The following ABHD5 variants were observed in gnomAD, a reference collection of about 807,000 sequenced individuals.
ABHD5 encodes the protein abhydrolase domain containing 5, lysophosphatidic acid acyltransferase, also known as 1-acylglycerol-3-phosphate O-acyltransferase ABHD5.
In ABHD5, 30 loss-of-function variants were observed where a neutral mutation model predicts 44.9. That is an observed-to-expected ratio of 0.67 (90% confidence interval 0.50 to 0.91). The LOEUF (loss-of-function observed/expected upper bound fraction) is 0.91. Among genes scored for constraint, ABHD5 ranks in the 40% least tolerant of loss-of-function variants. The probability of loss-of-function intolerance (pLI) is 0.00; values close to 1 mark genes in which losing one functional copy is unlikely to be tolerated. For missense variants in ABHD5, 399 were observed against 423.4 expected (o/e 0.94, Z 0.50); for synonymous variants, 167 against 147.0 (o/e 1.14, Z -0.99).
chr3:43,715,463 TTTGTTTAAAA>T (rs2084752685), intron 5 of ABHD5, among the ~76,000 whole-genome samples: 1 of 152,110 alleles, frequency 6.6e-6, no homozygotes, highest in African/African-American at 2.4e-5. Flanking sequence ...GTGCCCGGCC[TTTGTTTAAAA>T]TATATCAGTG....
At chr3:43,712,264 TACC>T in intron 4 of ABHD5, among the ~76,000 whole-genome samples, 1 of 152,266 alleles carries the variant, frequency 6.6e-6, no homozygotes, top group East Asian at 1.9e-4. Context: ...CAATTGATGA[TACC>T]ATTTGGTACC....
Position 43,719,958 on chromosome 3 carries a change from T to C in ABHD5, c.*1426T>C, listed in dbSNP as rs1011308442. Reference sequence around the variant, plus strand: ...AGTTGTTAGGAAATGTAAGGTTGTGTCACTGTTGATTAACTGCCAGAAAGA... The same window carrying C: ...AGTTGTTAGGAAATGTAAGGTTGTGCCACTGTTGATTAACTGCCAGAAAGA... On this transcript the variant is annotated 3_prime_UTR_variant, in exon 7 of 7. Coordinates refer to ENST00000644371, the MANE Select transcript of ABHD5 (RefSeq NM_016006.6). 3.3e-5 allele frequency: 5 copies of C among 152,214 alleles called. No individual in the cohort carries two copies. Among genetic ancestry groups the C allele is most frequent in the Admixed American group, 2.0e-4 (3 of 15,272 alleles). 9.4% of individuals were successfully genotyped at this position (152,214 alleles called of 1,614,324 possible). A position where few individuals can be genotyped will look rare whatever the true frequency, so the allele number is the denominator to read the frequency against.
chr3:43,711,828 A>AT lies in ABHD5; in HGVS notation c.626_627insT (p.Leu211PhefsTer21). 1 of 1,614,188 alleles carries AT rather than the reference A, an allele frequency of 6.2e-7. No homozygotes were observed. The highest frequency in any genetic ancestry group is 8.5e-7 in the Non-Finnish European group (1 of 1,180,028). On this transcript the variant is annotated frameshift_variant, in exon 4 of 7. Transcript: ENST00000644371. LOFTEE classifies it high-confidence loss of function. ...TTGGGAGCAGCATTGACTCCCTTTAACCCTTTAGCTGGCCTAAGGATTGCA... is the reference window on the plus strand; with the variant it reads ...TTGGGAGCAGCATTGACTCCCTTTAATCCCTTTAGCTGGCCTAAGGATTGCA...
chr3:43,691,335 C>T, intron 1 of ABHD5: 1 of 265,512 alleles, frequency 3.8e-6, no homozygotes, highest in Non-Finnish European at 7.1e-6. Flanking sequence ...GTATAAGCCA[C>T]CCCGCGGGCC....
chr3:43,692,874 C>T (rs1189666725), intron 1 of ABHD5, among the ~76,000 whole-genome samples: 1 of 152,164 alleles, frequency 6.6e-6, no homozygotes, highest in African/African-American at 2.4e-5. Context: ...ATACAGTTCC[C>T]TACCCTTAAG....
chr3:43,728,203 G>A (rs963767793), intron 7 of ABHD5, among the ~76,000 whole-genome samples: 1 of 152,152 alleles, frequency 6.6e-6, no homozygotes, highest in African/African-American at 2.4e-5. Context: ...TAGCCCTAGT[G>A]CTGTGCTGAA....
At chr3:43,711,095 A>G (rs888698046) in intron 3 of ABHD5, among the ~76,000 whole-genome samples, 3 of 152,236 alleles carry the variant, frequency 2.0e-5, no homozygotes, top group African/African-American at 4.8e-5. Flanking sequence ...TAAGGTAGAT[A>G]GACTTGTTCC....
chr3:43,707,400 C>G (rs895182994), intron 3 of ABHD5, among the ~76,000 whole-genome samples: 1 of 152,058 alleles, frequency 6.6e-6, no homozygotes, highest in African/African-American at 2.4e-5. Flanking sequence ...TTTTTGTTGG[C>G]CCTCTGCTGT....
intron 3 of ABHD5, among the ~76,000 whole-genome samples, chr3:43,705,323 T>C (rs2084602599): frequency 6.6e-6 from 1 of 152,220 alleles, no homozygotes; most frequent in Non-Finnish European, 1.5e-5. Context: ...ATTTCAGTTT[T>C]ATGCCTTTTG....
downstream of ABHD5, among the ~76,000 whole-genome samples, chr3:43,727,084 T>G (rs1480950684): frequency 6.6e-6 from 1 of 152,210 alleles, no homozygotes; most frequent in African/African-American, 2.4e-5. Flanking sequence ...CTCCCTCATT[T>G]TGCAGTGGTT....
chr3:43,717,659 T>C lies in ABHD5; in HGVS notation c.774-12T>C. ...AAAATCATACATCGTGATTTTCTCC[T>C]TGCCGTTAAAGTGGTGAGACAGCTT... On this transcript the variant is annotated splice_polypyrimidine_tract_variant and intron_variant, in intron 5 of 6. Transcript: ENST00000644371. 1 of 1,614,136 alleles carries C rather than the reference T, an allele frequency of 6.2e-7. No individual in the cohort carries two copies.
intron 3 of ABHD5, among the ~76,000 whole-genome samples, chr3:43,706,959 T>C (rs921663426): frequency 6.6e-6 from 1 of 152,230 alleles, no homozygotes; most frequent in African/African-American, 2.4e-5. Context: ...CTTCCATTCG[T>C]TACTTTTATA....
intron 7 of ABHD5, among the ~76,000 whole-genome samples, chr3:43,733,266 C>A (rs1697274647): frequency 6.6e-6 from 1 of 152,288 alleles, no homozygotes; most frequent in Admixed American, 6.5e-5. Context: ...GCCTGTCAGA[C>A]AAGGGAGACT....
At chr3:43,696,808 T>C (rs1050844565) in intron 1 of ABHD5, among the ~76,000 whole-genome samples, 1 of 152,216 alleles carries the variant, frequency 6.6e-6, no homozygotes, top group Admixed American at 6.5e-5. Flanking sequence ...TTATCAGGGC[T>C]TAGGGGAAGA....
intron 4 of ABHD5, among the ~76,000 whole-genome samples, chr3:43,713,752 A>G (rs2084719521): frequency 6.6e-6 from 1 of 152,204 alleles, no homozygotes; most frequent in Middle Eastern, 3.2e-3. Context: ...AAAAATAACA[A>G]TTATGGGAAA....
intron 1 of ABHD5, 91 bp downstream of exon 1, chr3:43,691,130 C>T (rs1233119950): frequency 3.9e-6 from 5 of 1,270,628 alleles, no homozygotes; most frequent in South Asian, 2.2e-5. Context: ...ACCAAGGAGT[C>T]GCCGCCCGCC....
rs533017694 is a variant in ABHD5, at chr3:43,719,875, A to G, written c.*1343A>G. ...TAAATAAAAACAGTGAACTAGAGCA[A>G]ATAGTGGTTTAATGGTTTTGTTATT... On this transcript the variant is annotated 3_prime_UTR_variant, in exon 7 of 7. Coordinates refer to ENST00000644371, the MANE Select transcript of ABHD5 (RefSeq NM_016006.6). The G allele has an allele frequency of 1.4e-5, 2 of 147,806 alleles. No individual in the cohort carries two copies. The highest frequency in any genetic ancestry group is 3.0e-5 in the Non-Finnish European group (2 of 67,702). The allele number at this position is 147,806 out of a possible 1,614,324, so 9.2% of individuals were successfully genotyped here.
At chr3:43,692,218 T>G (rs2084402593) in intron 1 of ABHD5, among the ~76,000 whole-genome samples, 1 of 152,200 alleles carries the variant, frequency 6.6e-6, no homozygotes, top group East Asian at 1.9e-4. Flanking sequence ...TGGAAAGATG[T>G]CATGGGGAAA....
chr3:43,725,014 G>A (rs1018673717), downstream of ABHD5, among the ~76,000 whole-genome samples: 1 of 152,196 alleles, frequency 6.6e-6, no homozygotes, highest in Non-Finnish European at 1.5e-5. Flanking sequence ...TTACTGTGCT[G>A]TTGTCTGTGT....
Sources: gnomAD v4.1 joint callset for allele counts (sites outside exome capture counted in the v4.1 genomes callset) on GRCh38, gnomAD v4.1.1 for gene constraint, MANE v1.5 for transcripts, NCBI Gene and HGNC (gene_info 2026-07-23, HGNC 2026-07-21) for gene names.